ST6GALNAC5: variants seen among roughly 807,000 people sequenced by gnomAD.
The protein encoded by ST6GALNAC5 is alpha-N-acetylgalactosaminide alpha-2,6-sialyltransferase 5.
Under a neutral mutation model 33.6 loss-of-function variants are expected in ST6GALNAC5, and 27 were observed. That is an observed-to-expected ratio of 0.80 (90% CI 0.59 to 1.11). The LOEUF (loss-of-function observed/expected upper bound fraction) is 1.11. Ranked by LOEUF, ST6GALNAC5 falls within the 50% of genes least tolerant of loss-of-function variation. The probability of loss-of-function intolerance (pLI) is 0.00; values close to 1 mark genes in which losing one functional copy is unlikely to be tolerated. For missense variants in ST6GALNAC5, 428 were observed against 454.0 expected, an observed-to-expected ratio of 0.94 and a Z score of 0.52; for synonymous variants, 194 against 171.2, an observed-to-expected ratio of 1.13 and a Z score of -1.04.
At chr1:76,932,093 TAA>T (rs1334027621) in intron 2 of ST6GALNAC5, among the ~76,000 whole-genome samples, 2 of 152,028 alleles carry the variant, frequency 1.3e-5, no homozygotes, top group East Asian at 3.9e-4. Flanking sequence ...AAGTTAGGAA[TAA>T]AGAAGTAGCG....
intron 2 of ST6GALNAC5, among the ~76,000 whole-genome samples, chr1:77,028,853 T>G (rs1046438153): frequency 2.0e-5 from 3 of 152,198 alleles, no homozygotes; most frequent in Non-Finnish European, 4.4e-5. Flanking sequence ...ACCCAAGCAA[T>G]CATTATTAAA....
At position 76,919,854 on chromosome 1, in the gene ST6GALNAC5, G is replaced by A. The variant is rs193137220; in HGVS notation, c.261+51112G>A. On this transcript the variant is annotated intron_variant, in intron 2 of 4. Coordinates refer to ENST00000477717, the MANE Select transcript of ST6GALNAC5 (RefSeq NM_030965.3). ...TGACGCTAAAGTGATGATGAGAACT[G>A]TAGTATCACTACACTAATGAATCTT... Among the ~76,000 whole-genome samples the A allele has an allele frequency of 6.2e-4, 95 of 152,292 alleles. 2 individuals are homozygous for A. The highest frequency in any genetic ancestry group is 2.1e-3 in the African/African-American group (86 of 41,554).
intron 2 of ST6GALNAC5, among the ~76,000 whole-genome samples, chr1:76,923,480 G>T (rs1204830212): frequency 6.6e-6 from 1 of 151,996 alleles, no homozygotes; most frequent in Non-Finnish European, 1.5e-5. Flanking sequence ...ATCACTTGAG[G>T]TCAGGAGTTC....
At chr1:77,025,106 A>G (rs1473171412) in intron 2 of ST6GALNAC5, among the ~76,000 whole-genome samples, 1 of 152,218 alleles carries the variant, frequency 6.6e-6, no homozygotes, top group Non-Finnish European at 1.5e-5. Context: ...CTCCCCAGCC[A>G]TCCTATTAAA....
chr1:77,055,039 A>G (rs1201632338), intron 4 of ST6GALNAC5, among the ~76,000 whole-genome samples: 1 of 151,836 alleles, frequency 6.6e-6, no homozygotes, highest in Non-Finnish European at 1.5e-5. Flanking sequence ...GGCCTCCTGG[A>G]CTGCTCTCTC....
At chr1:76,991,416 C>T (rs1337668566) in intron 2 of ST6GALNAC5, among the ~76,000 whole-genome samples, 2 of 152,116 alleles carry the variant, frequency 1.3e-5, no homozygotes, top group East Asian at 3.8e-4. Context: ...GATTTGAATG[C>T]TAAGGCATAG....
intron 2 of ST6GALNAC5, among the ~76,000 whole-genome samples, chr1:76,969,749 G>A (rs1398276759): frequency 6.6e-6 from 1 of 152,114 alleles, no homozygotes; most frequent in Non-Finnish European, 1.5e-5. Context: ...CCCCCGTGTA[G>A]CCTAACTGGG....
intron 2 of ST6GALNAC5, among the ~76,000 whole-genome samples, chr1:76,936,953 G>GGCGTGTGTGTGT (rs138095164): frequency 0.038 from 5,339 of 139,910 alleles, 311 homozygotes; most frequent in African/African-American, 0.056. Context: ...AGAGAAGCAG[G>GGCGTGTGTGTGT]GTGTGTGTGT....
intron 2 of ST6GALNAC5, among the ~76,000 whole-genome samples, chr1:76,944,988 C>T (rs910120436): frequency 5.3e-5 from 8 of 152,130 alleles, no homozygotes; most frequent in African/African-American, 7.2e-5. Flanking sequence ...GTCTTAGGGA[C>T]ATTGGGCTGC....
intron 2 of ST6GALNAC5, among the ~76,000 whole-genome samples, chr1:76,976,001 A>T (rs901316761): frequency 6.6e-6 from 1 of 152,206 alleles, no homozygotes; most frequent in Non-Finnish European, 1.5e-5. Flanking sequence ...AGGCTGAGGC[A>T]CAAGAATAGC....
chr1:76,952,814 C>G (rs1008348211), intron 2 of ST6GALNAC5, among the ~76,000 whole-genome samples: 16 of 152,192 alleles, frequency 1.1e-4, no homozygotes, highest in African/African-American at 3.9e-4. Context: ...TGCCCCATCA[C>G]CATAAAGGAA....
At chr1:77,010,304 G>C (rs576851326) in intron 2 of ST6GALNAC5, among the ~76,000 whole-genome samples, 7 of 152,252 alleles carry the variant, frequency 4.6e-5, no homozygotes, top group African/African-American at 1.4e-4. Context: ...AGACCAGCCT[G>C]ACCAACATGG....
intron 2 of ST6GALNAC5, among the ~76,000 whole-genome samples, chr1:76,908,720 A>C (rs1646886050): frequency 6.6e-6 from 1 of 152,056 alleles, no homozygotes; most frequent in South Asian, 2.1e-4. Flanking sequence ...GGTTTCTCTG[A>C]GGTATGTAAG....
intron 2 of ST6GALNAC5, among the ~76,000 whole-genome samples, chr1:77,015,196 C>G (rs1402073743): frequency 6.6e-6 from 1 of 152,174 alleles, no homozygotes; most frequent in Non-Finnish European, 1.5e-5. Context: ...GTAAATCAGT[C>G]CAACCTGAGA....
chr1:76,914,643 G>C (rs1382402415), intron 2 of ST6GALNAC5, among the ~76,000 whole-genome samples: 1 of 152,174 alleles, frequency 6.6e-6, no homozygotes, highest in African/African-American at 2.4e-5. Context: ...GCCATATGTA[G>C]ACAGCTGAAA....
chr1:76,912,343 A>C (rs373016136), intron 2 of ST6GALNAC5, among the ~76,000 whole-genome samples: 7 of 152,256 alleles, frequency 4.6e-5, no homozygotes, highest in East Asian at 1.9e-4. Context: ...CTTTACTTCC[A>C]ACTATGTGGT....
At chr1:77,035,701 G>A (rs1032957581) in intron 2 of ST6GALNAC5, among the ~76,000 whole-genome samples, 1 of 152,152 alleles carries the variant, frequency 6.6e-6, no homozygotes, top group African/African-American at 2.4e-5. Flanking sequence ...CTTGGAAAAT[G>A]CAAATCAAAA....
chr1:77,003,912 G>A (rs1196092333), intron 2 of ST6GALNAC5, among the ~76,000 whole-genome samples: 1 of 136,686 alleles, frequency 7.3e-6, no homozygotes, highest in African/African-American at 2.7e-5. Context: ...TTTCTCTCTG[G>A]CTGCCCTTAA....
At chr1:77,012,694 A>G (rs529250944) in intron 2 of ST6GALNAC5, among the ~76,000 whole-genome samples, 30 of 152,280 alleles carry the variant, frequency 2.0e-4, no homozygotes, top group African/African-American at 7.0e-4. Flanking sequence ...GAAGTTAAAG[A>G]AGATTATGGG....
Sources: allele counts gnomAD v4.1 joint callset (sites outside exome capture counted in the v4.1 genomes callset), GRCh38; gene constraint gnomAD v4.1.1; transcripts MANE v1.5; gene names NCBI Gene and HGNC (gene_info 2026-07-23, HGNC 2026-07-21).